The following GPHN variants were observed in gnomAD, a reference collection of about 807,000 sequenced individuals.
GPHN encodes the protein gephyrin.
Under a neutral mutation model 95.5 loss-of-function variants are expected in GPHN, and 17 were observed. The ratio of observed to expected loss-of-function variants is 0.18; its 90% CI spans 0.12 to 0.27. GPHN has a LOEUF of 0.27. Among genes scored for constraint, GPHN ranks in the 10% least tolerant of loss-of-function variants. The probability of loss-of-function intolerance (pLI) is 1.00; values close to 1 mark genes in which losing one functional copy is unlikely to be tolerated. For synonymous variants in GPHN, 320 were observed against 322.5 expected (o/e 0.99, Z 0.08); for missense variants, 660 against 978.1 (o/e 0.67, Z 4.34).
At chr14:67,560,977 C>T in the GPHN span, among the ~76,000 whole-genome samples, 129 of 152,184 alleles carry the variant, frequency 8.5e-4, no homozygotes, top group African/African-American at 2.8e-3. Context: ...GTGATCTGCC[C>T]GCCTCAGCCT....
chr14:67,428,844 T>C, the GPHN span, among the ~76,000 whole-genome samples: 2 of 152,192 alleles, frequency 1.3e-5, no homozygotes, highest in African/African-American at 4.8e-5. Flanking sequence ...GTAGGGGGCC[T>C]GCTGGAGAGA....
At chr14:66,513,543 G>A (rs757880108) in intron 1 of GPHN, among the ~76,000 whole-genome samples, 5 of 151,630 alleles carry the variant, frequency 3.3e-5, no homozygotes, top group Non-Finnish European at 4.4e-5. Context: ...GAATAATGAA[G>A]CATATTTGGA....
At chr14:67,506,844 G>T in the GPHN span, among the ~76,000 whole-genome samples, 1 of 152,068 alleles carries the variant, frequency 6.6e-6, no homozygotes, top group Non-Finnish European at 1.5e-5. Flanking sequence ...CTTAGCTGGG[G>T]GTGGTGGCAT....
chr14:67,448,798 T>G, the GPHN span, among the ~76,000 whole-genome samples: 1 of 151,602 alleles, frequency 6.6e-6, no homozygotes, highest in South Asian at 2.1e-4. Context: ...ACAGAGGGAG[T>G]AGGGCAATGA....
At chr14:66,809,358 A>AAATAATAATAAT (rs540241852) in intron 3 of GPHN, among the ~76,000 whole-genome samples, 14 of 151,796 alleles carry the variant, frequency 9.2e-5, no homozygotes, top group African/African-American at 3.4e-4. Context: ...GAGTTTTCCT[A>AAATAATAATAAT]AATAATAATA....
At chr14:66,964,632 A>G (rs2069184884) in intron 8 of GPHN, among the ~76,000 whole-genome samples, 1 of 152,190 alleles carries the variant, frequency 6.6e-6, no homozygotes, top group Non-Finnish European at 1.5e-5. Context: ...ATGAGCTATG[A>G]TCTTGAGTTG....
the GPHN span, chr14:67,335,737 C>T: frequency 6.7e-6 from 1 of 149,594 alleles, no homozygotes; most frequent in South Asian, 2.1e-4. Context: ...TTTCCTGTAT[C>T]TGCACTGTTA....
At chr14:66,702,217 G>A (rs2068616819) in intron 2 of GPHN, among the ~76,000 whole-genome samples, 1 of 152,188 alleles carries the variant, frequency 6.6e-6, no homozygotes, top group Non-Finnish European at 1.5e-5. Flanking sequence ...TTTCCTCCTG[G>A]TAGTTTTGGG....
At chr14:66,954,440 G>C (rs2068343472) in intron 8 of GPHN, among the ~76,000 whole-genome samples, 1 of 151,844 alleles carries the variant, frequency 6.6e-6, no homozygotes, top group African/African-American at 2.4e-5. Context: ...TTTCAGTATT[G>C]GTATATAGAA....
the GPHN span, among the ~76,000 whole-genome samples, chr14:67,412,638 T>C: frequency 1.3e-5 from 2 of 152,136 alleles, no homozygotes; most frequent in African/African-American, 4.8e-5. Context: ...GTCCGCAGGA[T>C]ATACCCCGCT....
rs546333145 is a variant in GPHN at position 67,180,281 on chromosome 14, G to A, written c.2177-523G>A. On this transcript the variant is annotated intron_variant, in intron 22 of 22. Coordinates refer to ENST00000478722, the MANE Select transcript of GPHN (RefSeq NM_020806.5). ...CCAAGTGAAAACGTCAACTAACAGCGACTAAGTTCATGGGCTTTGCCATCA... is the reference window on the plus strand; with the variant it reads ...CCAAGTGAAAACGTCAACTAACAGCAACTAAGTTCATGGGCTTTGCCATCA... 1.3e-3 allele frequency among the ~76,000 whole-genome samples: 191 copies of A among 152,266 alleles called. 11 individuals are homozygous for A. In the South Asian group the frequency reaches 0.039, roughly 31 times the overall value.
the GPHN span, chr14:67,556,035 G>T: frequency 1.9e-6 from 2 of 1,072,800 alleles, no homozygotes; most frequent in Non-Finnish European, 2.7e-6. Flanking sequence ...CTTTCTGTGG[G>T]AGTAGAGTCT....
chr14:66,658,628 G>A (rs2065449614), intron 1 of GPHN, among the ~76,000 whole-genome samples: 1 of 152,054 alleles, frequency 6.6e-6, no homozygotes, highest in Non-Finnish European at 1.5e-5. Flanking sequence ...ATGGTCATTA[G>A]CATTTTTTGC....
chr14:67,019,633 TTCTC>T (rs1359571141), intron 9 of GPHN, among the ~76,000 whole-genome samples: 7 of 152,318 alleles, frequency 4.6e-5, no homozygotes, highest in Non-Finnish European at 1.0e-4. Flanking sequence ...TTTTCTTTGT[TTCTC>T]TCCTCCCTCA....
intron 1 of GPHN, among the ~76,000 whole-genome samples, chr14:66,577,088 A>G (rs946227814): frequency 6.6e-6 from 1 of 152,188 alleles, no homozygotes; most frequent in African/African-American, 2.4e-5. Context: ...TTGCCTAGGA[A>G]TCTTGTTGAC....
chr14:67,108,597 A>C (rs2078176306), intron 13 of GPHN, among the ~76,000 whole-genome samples: 1 of 152,158 alleles, frequency 6.6e-6, no homozygotes, highest in South Asian at 2.1e-4. Context: ...AGTATTGCTT[A>C]CAGTAATAAT....
chr14:67,579,286 T>A, the GPHN span: 1 of 1,562,050 alleles, frequency 6.4e-7, no homozygotes. Flanking sequence ...AGCATCCCCG[T>A]GCACTTTACC....
chr14:67,268,748 T>C, the GPHN span, among the ~76,000 whole-genome samples: 1 of 152,214 alleles, frequency 6.6e-6, no homozygotes, highest in African/African-American at 2.4e-5. Context: ...CAACCTGTTT[T>C]GTCAGCAGGG....
the GPHN span, among the ~76,000 whole-genome samples, chr14:67,519,183 C>A: frequency 6.6e-6 from 1 of 152,062 alleles, no homozygotes; most frequent in African/African-American, 2.4e-5. Context: ...CATAAAGAGG[C>A]TAAGGAGTGT....
Sources: allele counts gnomAD v4.1 joint callset (sites outside exome capture counted in the v4.1 genomes callset), GRCh38; gene constraint gnomAD v4.1.1; transcripts MANE v1.5; gene names NCBI Gene and HGNC (gene_info 2026-07-23, HGNC 2026-07-21).